The following TBC1D1 variants were observed in gnomAD, a reference collection of about 807,000 sequenced individuals.
TBC1D1 encodes the protein TBC1 (tre-2/USP6, BUB2, cdc16) domain family, member 1.
TBC1D1 carries 89 observed loss-of-function variants against 125.6 expected under a neutral mutation model. That is an observed-to-expected ratio of 0.71 (90% CI 0.60 to 0.85). The LOEUF (loss-of-function observed/expected upper bound fraction) is 0.85, where lower values mean the gene tolerates loss of function less well. Ranked by LOEUF, TBC1D1 falls within the 40% of genes least tolerant of loss-of-function variation. TBC1D1 has a pLI of 0.00. For synonymous variants in TBC1D1, 565 were observed against 564.1 expected (o/e 1.00, Z -0.02); for missense variants, 1,377 against 1,469.2 (o/e 0.94, Z 1.03).
intron 2 of TBC1D1, among the ~76,000 whole-genome samples, chr4:38,012,543 G>A (rs1159781335): frequency 1.3e-5 from 2 of 152,188 alleles, no homozygotes; most frequent in African/African-American, 4.8e-5. Context: ...CCAAAGTGCT[G>A]GGATTACAGG....
chr4:38,077,262 T>C (rs1013469812), intron 12 of TBC1D1, among the ~76,000 whole-genome samples: 4 of 152,194 alleles, frequency 2.6e-5, no homozygotes, highest in African/African-American at 9.7e-5. Context: ...GTGGATCAAA[T>C]GCTAGACAAA....
At chr4:38,087,295 A>G (rs147174815) in intron 12 of TBC1D1, among the ~76,000 whole-genome samples, 10 of 152,352 alleles carry the variant, frequency 6.6e-5, no homozygotes, top group East Asian at 1.9e-4. Flanking sequence ...ATAAACTTCT[A>G]TAGACAGTGG....
At chr4:37,972,481 CAA>C (rs74577993) in intron 2 of TBC1D1, among the ~76,000 whole-genome samples, 24 of 98,046 alleles carry the variant, frequency 2.4e-4, no homozygotes, top group Non-Finnish European at 1.9e-4. Context: ...AACGCCGTTT[CAA>C]AAAAAAAAAA....
At chr4:37,963,642 G>A (rs576433745) in intron 2 of TBC1D1, among the ~76,000 whole-genome samples, 1 of 152,326 alleles carries the variant, frequency 6.6e-6, no homozygotes, top group East Asian at 1.9e-4. Context: ...GGGTGACACA[G>A]TGAGATTCCG....
rs184346680 is a variant in TBC1D1 at position 38,101,806 on chromosome 4, C to T, written c.2399-1193C>T. ...GTCAATTTTGCCTCTCACAATAACC[C>T]TTCCAGCCTTCTTGCCAGCTGCTCT... On this transcript the variant is annotated intron_variant, in intron 14 of 19. Transcript: ENST00000261439. 1.2e-4 allele frequency among the ~76,000 whole-genome samples: 19 copies of T among 152,294 alleles called. No homozygotes were observed. The East Asian group carries it at 2.5e-3, about 20-fold the overall frequency.
intron 12 of TBC1D1, among the ~76,000 whole-genome samples, chr4:38,078,366 C>T (rs1176796324): frequency 6.6e-6 from 1 of 152,120 alleles, no homozygotes; most frequent in African/African-American, 2.4e-5. Flanking sequence ...TTGTCAGAGG[C>T]TCTGTAAAAC....
chr4:38,091,184 T>G (rs935142830), intron 13 of TBC1D1, among the ~76,000 whole-genome samples: 4 of 152,232 alleles, frequency 2.6e-5, no homozygotes, highest in African/African-American at 9.6e-5. Flanking sequence ...GTCTATATCT[T>G]TTGACTGAAA....
intron 15 of TBC1D1, chr4:38,110,261 C>T (rs954110397): frequency 3.3e-5 from 33 of 985,226 alleles, no homozygotes; most frequent in Middle Eastern, 5.2e-4. Flanking sequence ...GGACCACCTG[C>T]AAGATCTCTT....
At chr4:37,958,940 A>AT (rs1729432277) in intron 2 of TBC1D1, among the ~76,000 whole-genome samples, 1 of 152,142 alleles carries the variant, frequency 6.6e-6, no homozygotes, top group African/African-American at 2.4e-5. Flanking sequence ...CACATCATAT[A>AT]TTTACATTCC....
intron 12 of TBC1D1, among the ~76,000 whole-genome samples, chr4:38,079,449 G>T (rs1406912141): frequency 6.6e-6 from 1 of 152,214 alleles, no homozygotes; most frequent in Admixed American, 6.5e-5. Flanking sequence ...ATATGGCCAG[G>T]TGTGGTGGCT....
chr4:38,075,776 C>T (rs547226148), intron 12 of TBC1D1, among the ~76,000 whole-genome samples: 4 of 152,248 alleles, frequency 2.6e-5, no homozygotes, highest in South Asian at 4.1e-4. Context: ...CTCTTGTCAT[C>T]GGCCAGGTCA....
chr4:37,974,126 C>T (rs1032305518), intron 2 of TBC1D1, among the ~76,000 whole-genome samples: 2 of 152,220 alleles, frequency 1.3e-5, no homozygotes, highest in Admixed American at 6.5e-5. Flanking sequence ...AATGCACTCC[C>T]TTTTCCACCT....
chr4:38,100,098 A>G (rs1760039984), intron 14 of TBC1D1, among the ~76,000 whole-genome samples: 1 of 152,166 alleles, frequency 6.6e-6, no homozygotes, highest in Non-Finnish European at 1.5e-5. Flanking sequence ...CATTTGAAGT[A>G]TTTGTGGGGA....
intron 1 of TBC1D1, among the ~76,000 whole-genome samples, chr4:37,895,016 T>C (rs1457372360): frequency 6.6e-6 from 1 of 152,216 alleles, no homozygotes; most frequent in African/African-American, 2.4e-5. Context: ...GAATGTAAAA[T>C]GTCCATGAAG....
intron 2 of TBC1D1, among the ~76,000 whole-genome samples, chr4:37,958,365 T>A (rs113212168): frequency 0.012 from 1,789 of 152,332 alleles, 21 homozygotes; most frequent in Non-Finnish European, 0.02. Context: ...TTCTTCATAT[T>A]TTTTATTTTT....
At position 38,044,429 on chromosome 4, in the gene TBC1D1, A is replaced by T. The variant is rs1483285518; in HGVS notation, c.1481A>T (p.Asp494Val). The T allele has an allele frequency of 6.2e-7, 1 of 1,613,866 alleles. No individual in the cohort carries two copies. The highest frequency in any genetic ancestry group is 1.3e-5 in the African/African-American group (1 of 75,068). The change falls in exon 9 of 20, where the codon GAT becomes GTT. Residue 494 changes from aspartate to valine, a missense_variant. Coordinates refer to ENST00000261439, the MANE Select transcript of TBC1D1 (RefSeq NM_015173.4). Reference sequence around the variant, plus strand: ...CCCAGTGCCACTCGATTTAGGCTAGATATGCTGAAAAACAAAGCAAAGAGA... The same window carrying T: ...CCCAGTGCCACTCGATTTAGGCTAGTTATGCTGAAAAACAAAGCAAAGAGA...
chr4:37,956,774 C>G (rs959436389), intron 2 of TBC1D1, among the ~76,000 whole-genome samples: 3 of 151,912 alleles, frequency 2.0e-5, no homozygotes, highest in Admixed American at 6.6e-5. Flanking sequence ...CAGTGAAACC[C>G]CATGTCTACT....
At chr4:38,120,837 AG>A (rs1259882387) in intron 17 of TBC1D1, among the ~76,000 whole-genome samples, 3 of 152,092 alleles carry the variant, frequency 2.0e-5, no homozygotes, top group Non-Finnish European at 4.4e-5. Context: ...CTTTGGGGGA[AG>A]AAAAATCTAA....
In TBC1D1 at chr4:38,035,583, T is replaced by C. The variant is rs767323884; in HGVS notation, c.1303-5T>C. 2.5e-5 allele frequency: 41 copies of C among 1,609,810 alleles called. No individual in the cohort carries two copies. Among genetic ancestry groups the C allele is most frequent in the Non-Finnish European group, 3.4e-5 (40 of 1,177,780 alleles). ...TAAATCCTGTTTCTGATTTTTGTTT[T>C]AAAGAAATTGAGACCGAGAAATGAG... On this transcript the variant is annotated splice_polypyrimidine_tract_variant and splice_region_variant and intron_variant, in intron 7 of 19. Transcript: ENST00000261439.
Sources: gnomAD v4.1 joint callset for allele counts (sites outside exome capture counted in the v4.1 genomes callset) on GRCh38, gnomAD v4.1.1 for gene constraint, MANE v1.5 for transcripts, NCBI Gene and HGNC (gene_info 2026-07-23, HGNC 2026-07-21) for gene names.